HYCC1: variants seen among roughly 807,000 people sequenced by gnomAD.
The protein encoded by HYCC1 is hyccin.
the HYCC1 span, among the ~76,000 whole-genome samples, chr7:22,921,634 C>T: frequency 1.1e-4 from 16 of 152,206 alleles, no homozygotes; most frequent in African/African-American, 2.9e-4. Flanking sequence ...TAGTTCCACA[C>T]GGCTCCCCAC....
chr7:23,011,665 A>G, the HYCC1 span, among the ~76,000 whole-genome samples: 1 of 152,032 alleles, frequency 6.6e-6, no homozygotes, highest in African/African-American at 2.4e-5. Flanking sequence ...ACCATTTCCT[A>G]CTAACCCCTG....
At chr7:22,983,227 G>A in the HYCC1 span, among the ~76,000 whole-genome samples, 9 of 151,772 alleles carry the variant, frequency 5.9e-5, no homozygotes, top group Non-Finnish European at 1.3e-4. Context: ...TATTGGGGGT[G>A]CTGAGGTGGG....
At chr7:22,956,725 T>C in the HYCC1 span, among the ~76,000 whole-genome samples, 9 of 151,912 alleles carry the variant, frequency 5.9e-5, 1 homozygote, top group South Asian at 1.9e-3. Flanking sequence ...AGAACTCTCT[T>C]ATTTTCCACT....
the HYCC1 span, among the ~76,000 whole-genome samples, chr7:22,994,535 T>C: frequency 1.1e-4 from 17 of 152,290 alleles, no homozygotes; most frequent in South Asian, 1.0e-3. Flanking sequence ...CATTTTTCTG[T>C]ATGTATATTA....
the HYCC1 span, chr7:22,940,713 T>C: frequency 6.6e-6 from 1 of 152,182 alleles, no homozygotes; most frequent in African/African-American, 2.4e-5. Flanking sequence ...AACTCATTTA[T>C]TGTCTCATAA....
chr7:22,949,583 G>GTT, the HYCC1 span, among the ~76,000 whole-genome samples: 1 of 151,578 alleles, frequency 6.6e-6, no homozygotes, highest in Non-Finnish European at 1.5e-5. Flanking sequence ...TTAGGTCTGT[G>GTT]TATTTTTTTA....
the HYCC1 span, among the ~76,000 whole-genome samples, chr7:22,911,998 C>G: frequency 2.5e-3 from 373 of 152,182 alleles, 1 homozygote; most frequent in Middle Eastern, 0.017. Flanking sequence ...CATAGAAGAC[C>G]ACAAAATGTT....
chr7:23,007,245 G>C, the HYCC1 span, among the ~76,000 whole-genome samples: 6 of 152,110 alleles, frequency 3.9e-5, no homozygotes, highest in African/African-American at 1.4e-4. Flanking sequence ...TCAGTAATAT[G>C]GGGTGAAGAA....
chr7:22,943,899 A>T, the HYCC1 span: 9 of 152,552 alleles, frequency 5.9e-5, no homozygotes, highest in African/African-American at 2.2e-4. Context: ...AATCAAATTC[A>T]TTTATGTCAA....
the HYCC1 span, among the ~76,000 whole-genome samples, chr7:22,989,319 C>T: frequency 1.7e-5 from 2 of 115,304 alleles, no homozygotes. Context: ...CACACACACA[C>T]ACACAAGATT....
At chr7:22,970,156 T>G in the HYCC1 span, among the ~76,000 whole-genome samples, 2 of 152,214 alleles carry the variant, frequency 1.3e-5, no homozygotes, top group Non-Finnish European at 2.9e-5. Flanking sequence ...GTTCTCTCAT[T>G]TTCTATACTA....
chr7:22,985,700 T>C, the HYCC1 span: 1 of 151,902 alleles, frequency 6.6e-6, no homozygotes, highest in African/African-American at 2.4e-5. Flanking sequence ...CGAGGCAACA[T>C]TCCATTTCCG....
chr7:22,949,496 A>G, the HYCC1 span, among the ~76,000 whole-genome samples: 1 of 152,114 alleles, frequency 6.6e-6, no homozygotes, highest in Non-Finnish European at 1.5e-5. Flanking sequence ...TACAAAAAGC[A>G]AACAATTTAC....
the HYCC1 span, chr7:22,984,132 G>T: frequency 2.6e-6 from 2 of 776,088 alleles, no homozygotes; most frequent in Non-Finnish European, 4.4e-6. Context: ...ATTAGTTGTT[G>T]CCAGGACTGC....
At chr7:23,013,832 C>A in the HYCC1 span, 6 of 427,600 alleles carry the variant, frequency 1.4e-5, no homozygotes, top group Non-Finnish European at 2.8e-5. Context: ...CCTGTCCTCG[C>A]CGCCGCCTCG....
the HYCC1 span, chr7:22,940,918 C>G: frequency 6.6e-6 from 1 of 151,490 alleles, no homozygotes; most frequent in Non-Finnish European, 1.5e-5. Context: ...GGGACTACTA[C>G]TCACCACACA....
At chr7:22,911,586 T>A in the HYCC1 span, among the ~76,000 whole-genome samples, 1 of 152,116 alleles carries the variant, frequency 6.6e-6, no homozygotes, top group Non-Finnish European at 1.5e-5. Flanking sequence ...GGTGAAACCG[T>A]GTCTCCACTA....
the HYCC1 span, among the ~76,000 whole-genome samples, chr7:22,916,693 C>T: frequency 2.6e-5 from 4 of 152,270 alleles, no homozygotes; most frequent in Non-Finnish European, 4.4e-5. Flanking sequence ...TCACCCTGAT[C>T]GCACTTGGTT....
At chr7:22,974,160 G>A in the HYCC1 span, among the ~76,000 whole-genome samples, 11 of 152,154 alleles carry the variant, frequency 7.2e-5, no homozygotes, top group South Asian at 8.3e-4. Flanking sequence ...CATTTTAGTC[G>A]ATAACAGAGT....
Sources: gnomAD v4.1 joint callset for allele counts (sites outside exome capture counted in the v4.1 genomes callset) on GRCh38, gnomAD v4.1.1 for gene constraint, MANE v1.5 for transcripts, NCBI Gene and HGNC (gene_info 2026-07-23, HGNC 2026-07-21) for gene names.